Variants in COBL observed in about 807,000 individuals in gnomAD.
COBL encodes cordon-bleu WH2 repeat protein, also known as protein cordon-bleu.
In COBL, 51 loss-of-function variants were observed where a neutral mutation model predicts 98.8. The observed-to-expected ratio is 0.52, with a 90% CI of 0.41 to 0.65. The LOEUF (loss-of-function observed/expected upper bound fraction) is 0.65. Ranked by LOEUF, COBL falls within the 30% of genes least tolerant of loss-of-function variation. The pLI, the probability that COBL is intolerant of heterozygous loss-of-function variation, is 0.00. For synonymous variants in COBL, 634 were observed against 651.7 expected (o/e 0.97, Z 0.41); for missense variants, 1,617 against 1,617.5 (o/e 1.00, Z 0.01).
intron 1 of COBL, among the ~76,000 whole-genome samples, chr7:51,245,130 A>G (rs776624573): frequency 2.2e-4 from 34 of 151,852 alleles, no homozygotes; most frequent in African/African-American, 3.1e-4. Flanking sequence ...CCACACTCTA[A>G]CGGACCTGAT....
At chr7:51,069,566 T>G (rs1174697939) in intron 7 of COBL, among the ~76,000 whole-genome samples, 3 of 152,242 alleles carry the variant, frequency 2.0e-5, no homozygotes, top group African/African-American at 7.2e-5. Context: ...CTTTACACAT[T>G]CCAGGAAGAA....
At chr7:51,135,876 C>T (rs1020227349) in intron 6 of COBL, among the ~76,000 whole-genome samples, 1 of 152,196 alleles carries the variant, frequency 6.6e-6, no homozygotes. Flanking sequence ...CTTATCTTTA[C>T]AGCTGCATGG....
At chr7:51,284,129 C>CAAAAAAAAAAAAA (rs71021763) in intron 1 of COBL, among the ~76,000 whole-genome samples, 2 of 66,238 alleles carry the variant, frequency 3.0e-5, no homozygotes, top group African/African-American at 6.5e-5. Flanking sequence ...ACCAAAAATA[C>CAAAAAAAAAAAAA]AAAAAAAAAA....
intron 4 of COBL, chr7:51,187,803 T>C: frequency 1.1e-6 from 1 of 900,458 alleles, no homozygotes; most frequent in Non-Finnish European, 1.5e-6. Context: ...CAAGCCAAAC[T>C]TCCATTCCTT....
At position 51,315,520 on chromosome 7, in the gene COBL, T is replaced by C. The variant is rs531362581; in HGVS notation, c.41+1073A>G. The stretch of plus-strand genomic sequence containing the variant: ...CCAAAGCTGCCTCCTTCAAGTCCAG[T>C]TGCCATAGCAGAAAGTGGGCCCATT... On this transcript the variant is annotated intron_variant, in intron 1 of 12. Coordinates refer to ENST00000265136, the MANE Select transcript of COBL (RefSeq NM_015198.5). Among the ~76,000 whole-genome samples the C allele has an allele frequency of 2.0e-5, 3 of 152,336 alleles. 1 individual carries two copies. The highest frequency in any genetic ancestry group is 4.1e-4 in the South Asian group (2 of 4,826).
chr7:51,164,712 G>A (rs1224562921), intron 5 of COBL, among the ~76,000 whole-genome samples: 2 of 151,924 alleles, frequency 1.3e-5, no homozygotes, highest in Non-Finnish European at 2.9e-5. Context: ...GAAAAACACA[G>A]AATATGATAA....
At chr7:51,127,021 G>A (rs1033141260) in intron 6 of COBL, among the ~76,000 whole-genome samples, 16 of 152,144 alleles carry the variant, frequency 1.1e-4, no homozygotes, top group Non-Finnish European at 1.6e-4. Context: ...GGGACACCAC[G>A]GGGAACAAGT....
At chr7:51,075,381 T>G (rs1334901764) in intron 7 of COBL, among the ~76,000 whole-genome samples, 1 of 152,222 alleles carries the variant, frequency 6.6e-6, no homozygotes, top group Admixed American at 6.5e-5. Context: ...TGAAGAGATG[T>G]GTAGTAGCAC....
At chr7:51,193,696 A>G (rs1790335516) in intron 2 of COBL, 107 bp from the exon 3 acceptor site, 1 of 918,508 alleles carries the variant, frequency 1.1e-6, no homozygotes, top group African/African-American at 1.7e-5. Flanking sequence ...TGAGCAAATT[A>G]GATATGCTTA....
At chr7:51,246,439 A>G (rs1327030153) in intron 1 of COBL, among the ~76,000 whole-genome samples, 1 of 151,944 alleles carries the variant, frequency 6.6e-6, no homozygotes, top group Non-Finnish European at 1.5e-5. Flanking sequence ...CCCACTTCCA[A>G]TCATGGCTCA....
intron 2 of COBL, among the ~76,000 whole-genome samples, chr7:51,198,437 C>T (rs1790796652): frequency 6.6e-6 from 1 of 152,154 alleles, no homozygotes; most frequent in Admixed American, 6.5e-5. Context: ...CTGCCTTTAA[C>T]ATTTTTTCTT....
At chr7:51,183,508 C>T (rs1188349416) in intron 5 of COBL, among the ~76,000 whole-genome samples, 1 of 152,064 alleles carries the variant, frequency 6.6e-6, no homozygotes, top group Non-Finnish European at 1.5e-5. Context: ...GACTTAATTA[C>T]TCTAGAATAC....
chr7:51,188,519 T>G (rs185986155), intron 4 of COBL, among the ~76,000 whole-genome samples: 18 of 152,158 alleles, frequency 1.2e-4, no homozygotes, highest in Admixed American at 1.3e-4. Flanking sequence ...ACAGGCATGG[T>G]CCAGACGAAA....
chr7:51,203,677 G>A (rs1791384137), intron 2 of COBL, among the ~76,000 whole-genome samples: 1 of 151,732 alleles, frequency 6.6e-6, no homozygotes, highest in Non-Finnish European at 1.5e-5. Context: ...TTGAGTCAAG[G>A]AGAAACAGAA....
intron 4 of COBL, chr7:51,187,909 T>C (rs1789704672): frequency 1.1e-5 from 13 of 1,232,428 alleles, no homozygotes; most frequent in African/African-American, 4.6e-5. Flanking sequence ...CCAGGTTCAC[T>C]GTACCTTGAC....
intron 2 of COBL, among the ~76,000 whole-genome samples, chr7:51,197,793 T>A (rs1790734379): frequency 6.6e-6 from 1 of 152,212 alleles, no homozygotes; most frequent in South Asian, 2.1e-4. Flanking sequence ...TTTTTATCGT[T>A]GTTGATTTAA....
chr7:51,027,348 C>G (rs1365291087), intron 10 of COBL, among the ~76,000 whole-genome samples: 1 of 152,334 alleles, frequency 6.6e-6, no homozygotes, highest in Middle Eastern at 3.4e-3. Context: ...GTGGCCCTGC[C>G]TGAATTTTCT....
chr7:51,261,205 A>G (rs1392651600), intron 1 of COBL, among the ~76,000 whole-genome samples: 2 of 152,240 alleles, frequency 1.3e-5, no homozygotes, highest in Non-Finnish European at 2.9e-5. Context: ...AGCTCTCCTG[A>G]CAGCCCATCC....
intron 1 of COBL, among the ~76,000 whole-genome samples, chr7:51,225,623 A>T (rs1472379257): frequency 6.6e-6 from 1 of 152,252 alleles, no homozygotes; most frequent in South Asian, 2.1e-4. Flanking sequence ...AAAATGAAAA[A>T]GTATATATAT....
Sources: gnomAD v4.1 joint callset for allele counts (sites outside exome capture counted in the v4.1 genomes callset) on GRCh38, gnomAD v4.1.1 for gene constraint, MANE v1.5 for transcripts, NCBI Gene and HGNC (gene_info 2026-07-23, HGNC 2026-07-21) for gene names.